Variants in PCDH9 observed in about 807,000 individuals in gnomAD.
PCDH9 encodes the protein protocadherin 9, also known as protocadherin-9.
Under a neutral mutation model 70.6 loss-of-function variants are expected in PCDH9, and 24 were observed. That is an observed-to-expected ratio of 0.34 (90% CI 0.25 to 0.48). The LOEUF (loss-of-function observed/expected upper bound fraction) is 0.48, where lower values mean the gene tolerates loss of function less well. Among genes scored for constraint, PCDH9 ranks in the 20% least tolerant of loss-of-function variants. The probability of loss-of-function intolerance (pLI) is 0.99; values close to 1 mark genes in which losing one functional copy is unlikely to be tolerated. For missense variants in PCDH9, 1,281 were observed against 1,503.6 expected (o/e 0.85, Z 2.45); for synonymous variants, 562 against 558.5 (o/e 1.01, Z -0.09).
intron 3 of PCDH9, among the ~76,000 whole-genome samples, chr13:66,861,755 A>G (rs984191608): frequency 6.6e-6 from 1 of 152,296 alleles, no homozygotes. Flanking sequence ...CCATAGCTTT[A>G]CATGTCTATA....
chr13:66,900,365 A>C (rs2082257291), intron 3 of PCDH9, among the ~76,000 whole-genome samples: 2 of 151,578 alleles, frequency 1.3e-5, no homozygotes, highest in Admixed American at 1.3e-4. Context: ...AATATTAAAA[A>C]CCCCTTATTT....
intron 4 of PCDH9, among the ~76,000 whole-genome samples, chr13:66,393,610 A>G (rs1262515437): frequency 6.6e-6 from 1 of 152,242 alleles, no homozygotes; most frequent in African/African-American, 2.4e-5. Flanking sequence ...TGCTGAATAT[A>G]TATTTATTAA....
intron 3 of PCDH9, among the ~76,000 whole-genome samples, chr13:66,840,168 A>G (rs1213613215): frequency 1.3e-5 from 2 of 152,182 alleles, no homozygotes; most frequent in Non-Finnish European, 1.5e-5. Flanking sequence ...GTTAAACAAT[A>G]TTAAAAAAAA....
intron 2 of PCDH9, among the ~76,000 whole-genome samples, chr13:67,124,067 C>G (rs932156229): frequency 6.6e-6 from 1 of 152,052 alleles, no homozygotes; most frequent in Admixed American, 6.6e-5. Flanking sequence ...TATTTTGAAT[C>G]ATAAGTTTTT....
chr13:66,623,321 A>G (rs2077454521), intron 4 of PCDH9, among the ~76,000 whole-genome samples: 2 of 152,280 alleles, frequency 1.3e-5, no homozygotes, highest in Admixed American at 1.3e-4. Context: ...TGAGTCATGT[A>G]CTATGTTAAA....
intron 3 of PCDH9, among the ~76,000 whole-genome samples, chr13:66,652,838 C>T (rs1383766994): frequency 2.0e-5 from 3 of 151,940 alleles, no homozygotes; most frequent in Non-Finnish European, 2.9e-5. Context: ...GACACAAATC[C>T]ATACATCCAC....
chr13:66,450,276 C>T (rs1958178802), intron 4 of PCDH9, among the ~76,000 whole-genome samples: 2 of 152,046 alleles, frequency 1.3e-5, no homozygotes, highest in Admixed American at 6.5e-5. Flanking sequence ...ATATATTACG[C>T]CTATGCTATT....
intron 4 of PCDH9, among the ~76,000 whole-genome samples, chr13:66,347,419 A>C (rs1956228825): frequency 6.6e-6 from 1 of 152,208 alleles, no homozygotes; most frequent in South Asian, 2.1e-4. Context: ...ACTGCAAATT[A>C]GGAACCAAAA....
At chr13:66,835,480 T>C (rs1197871439) in intron 3 of PCDH9, among the ~76,000 whole-genome samples, 1 of 152,220 alleles carries the variant, frequency 6.6e-6, no homozygotes, top group Non-Finnish European at 1.5e-5. Flanking sequence ...TATTTGGGTC[T>C]GTCATTGTGA....
Position 66,928,606 on chromosome 13 carries a change from T to G in PCDH9, c.3037-25001A>C, listed in dbSNP as rs2082754123. Among the ~76,000 whole-genome samples the G allele has an allele frequency of 2.6e-5, 4 of 152,032 alleles. No homozygotes were observed. The South Asian group carries it at 8.3e-4, about 32-fold the overall frequency. ...TTAGGTCATAAGGGCAGATCCCCTA[T>G]GAATGAGATTAGTGCCCTTATAATA... On this transcript the variant is annotated intron_variant, in intron 2 of 4. Transcript: ENST00000377865.
intron 4 of PCDH9, among the ~76,000 whole-genome samples, chr13:66,385,487 A>G (rs887829825): frequency 6.6e-6 from 1 of 152,152 alleles, no homozygotes; most frequent in Non-Finnish European, 1.5e-5. Context: ...TATTAACTCA[A>G]TTATTGACTC....
intron 2 of PCDH9, among the ~76,000 whole-genome samples, chr13:67,038,762 G>A (rs1337956083): frequency 6.6e-6 from 1 of 152,140 alleles, no homozygotes; most frequent in Non-Finnish European, 1.5e-5. Context: ...TGTAATATCT[G>A]GAGTGATCAC....
At chr13:67,085,819 A>G (rs886744149) in intron 2 of PCDH9, among the ~76,000 whole-genome samples, 1 of 152,234 alleles carries the variant, frequency 6.6e-6, no homozygotes, top group African/African-American at 2.4e-5. Flanking sequence ...ATCTTTCAAT[A>G]TAAAATTAGC....
intron 1 of PCDH9, among the ~76,000 whole-genome samples, chr13:67,229,072 A>G (rs2089951422): frequency 6.6e-6 from 1 of 152,200 alleles, no homozygotes; most frequent in South Asian, 2.1e-4. Flanking sequence ...CAGTTCTTCA[A>G]CTGCCTTCTA....
chr13:66,797,959 G>GTAT (rs3042289), intron 3 of PCDH9, among the ~76,000 whole-genome samples: 11 of 150,548 alleles, frequency 7.3e-5, no homozygotes, highest in African/African-American at 2.5e-4. Flanking sequence ...GTTTCTTGGG[G>GTAT]GGTGTGTGTG....
chr13:66,605,616 G>A (rs1476447318), intron 4 of PCDH9, among the ~76,000 whole-genome samples: 2 of 152,172 alleles, frequency 1.3e-5, no homozygotes, highest in Admixed American at 6.5e-5. Context: ...AACAGCAAAT[G>A]AAGTGTCCAC....
intron 4 of PCDH9, among the ~76,000 whole-genome samples, chr13:66,407,701 G>A (rs144163252): frequency 9.8e-4 from 149 of 152,178 alleles, no homozygotes; most frequent in African/African-American, 3.3e-3. Context: ...TTTTTAACAC[G>A]AAAACTTATT....
At chr13:66,801,113 G>T (rs1292122902) in intron 3 of PCDH9, among the ~76,000 whole-genome samples, 1 of 150,090 alleles carries the variant, frequency 6.7e-6, no homozygotes, top group Non-Finnish European at 1.5e-5. Context: ...TATATCCTCA[G>T]AACGTCACAC....
chr13:66,457,401 A>G (rs186612569), intron 4 of PCDH9, among the ~76,000 whole-genome samples: 1 of 152,252 alleles, frequency 6.6e-6, no homozygotes, highest in Admixed American at 6.5e-5. Flanking sequence ...CTTTTTGAAT[A>G]CAAGTAAATA....
Sources: gnomAD v4.1 joint callset for allele counts (sites outside exome capture counted in the v4.1 genomes callset) on GRCh38, gnomAD v4.1.1 for gene constraint, MANE v1.5 for transcripts, NCBI Gene and HGNC (gene_info 2026-07-23, HGNC 2026-07-21) for gene names.